The following CASZ1 variants were observed in gnomAD, a reference collection of about 807,000 sequenced individuals.
The protein encoded by CASZ1 is castor zinc finger 1.
In CASZ1, 28 loss-of-function variants were observed where a neutral mutation model predicts 135.2. The observed-to-expected ratio is 0.21, with a 90% CI of 0.15 to 0.28. CASZ1 has a LOEUF of 0.28. Ranked by LOEUF, CASZ1 falls within the 10% of genes least tolerant of loss-of-function variation. CASZ1 has a pLI of 1.00. For synonymous variants in CASZ1, 1,068 were observed against 1,073.4 expected (o/e 0.99, Z 0.10); for missense variants, 2,161 against 2,453.3 (o/e 0.88, Z 2.52).
rs1296951583 is a variant in CASZ1, at chr1:10,735,819, G to A, written c.-77+24882C>T. On this transcript the variant is annotated intron_variant, in intron 2 of 20. Coordinates refer to ENST00000377022, the MANE Select transcript of CASZ1 (RefSeq NM_001079843.3). This position sits in a 1 kb window ranked among gnomAD's most constrained non-coding sequence, Gnocchi z 5.1. Reference sequence around the variant, plus strand: ...GGGCTGCACCAAGGGGACACTGGGAGTTGTAGGTAGTCAGGGAGCCCAGAG... The same window carrying A: ...GGGCTGCACCAAGGGGACACTGGGAATTGTAGGTAGTCAGGGAGCCCAGAG... Among the ~76,000 whole-genome samples, 1 of 152,202 alleles carries A rather than the reference G, an allele frequency of 6.6e-6. No homozygotes were observed. The highest frequency in any genetic ancestry group is 2.4e-5 in the African/African-American group (1 of 41,448).
At chr1:10,778,103 T>C (rs778245190) in intron 1 of CASZ1, among the ~76,000 whole-genome samples, 1 of 150,768 alleles carries the variant, frequency 6.6e-6, no homozygotes, top group Non-Finnish European at 1.5e-5. Context: ...TCTCACACAA[T>C]CTCACAATCA....
In CASZ1 at chr1:10,653,540, C is replaced by T. The variant is rs1292940289; in HGVS notation, c.2517G>A (p.Leu839=). The T allele has an allele frequency of 1.3e-6, 2 of 1,598,680 alleles. No individual in the cohort carries two copies. Residue 839 remains leucine, a synonymous_variant, in exon 11 of 21, where the codon CTG becomes CTA. Transcript: ENST00000377022. ...CTGAGTCTCCAGCTCCCGAGGCGACCAGCGTGGGTGTGTCAGGGGTGGCTG... is the reference window on the plus strand; with the variant it reads ...CTGAGTCTCCAGCTCCCGAGGCGACTAGCGTGGGTGTGTCAGGGGTGGCTG... ...AASATPDTPT[L]VASGAGDSAP...
intron 5 of CASZ1, among the ~76,000 whole-genome samples, chr1:10,662,846 C>T (rs1643095029): frequency 1.3e-5 from 2 of 152,228 alleles, no homozygotes; most frequent in African/African-American, 4.8e-5. Context: ...ACCCCCTGAA[C>T]CCCTGCCCTG....
In CASZ1 at chr1:10,794,354, C is replaced by T. The variant is rs559723102; in HGVS notation, c.-234+2210G>A. ...GCCCCGCGACTACCAGGGCCTTTTC[C>T]CCCTCGCCACCCCCTGAGTGTACCG... On this transcript the variant is annotated intron_variant, in intron 1 of 20. Coordinates refer to ENST00000377022, the MANE Select transcript of CASZ1 (RefSeq NM_001079843.3). The surrounding 1 kb of genome is among the most constrained non-coding windows in gnomAD (Gnocchi z 5.6). Among the ~76,000 whole-genome samples, 1 of 152,300 alleles carries T rather than the reference C, an allele frequency of 6.6e-6. No homozygotes were observed. The highest frequency in any genetic ancestry group is 2.4e-5 in the African/African-American group (1 of 41,566).
At chr1:10,651,791 C>T (rs1642598553) in intron 11 of CASZ1, 1 of 152,274 alleles carries the variant, frequency 6.6e-6, no homozygotes, top group Non-Finnish European at 1.5e-5. Context: ...CTGTAGCTGA[C>T]AGAGTGCTGC....
chr1:10,647,758 ACG>A lies in CASZ1; in HGVS notation c.3497+41_3497+42del. Reference sequence around the variant, plus strand: ...GCCCTTGCTAGCACCTACTCCCGAGACGCGAGGGGAACGCGGGACTCCCGGCT... The same window carrying A: ...GCCCTTGCTAGCACCTACTCCCGAGACGAGGGGAACGCGGGACTCCCGGCT... On this transcript the variant is annotated intron_variant, in intron 16 of 20. Transcript: ENST00000377022. The surrounding 1 kb of genome is among the most constrained non-coding windows in gnomAD (Gnocchi z 4.9). 6.2e-7 allele frequency: 1 copy of A among 1,610,188 alleles called. No homozygotes were observed. The highest frequency in any genetic ancestry group is 8.5e-7 in the Non-Finnish European group (1 of 1,179,944).
Position 10,679,749 on chromosome 1 carries a change from C to T in CASZ1, c.16+14125G>A, listed in dbSNP as rs1474774492. Among the ~76,000 whole-genome samples the T allele has an allele frequency of 1.3e-5, 2 of 152,232 alleles. No individual in the cohort carries two copies. On this transcript the variant is annotated intron_variant, in intron 4 of 20. Transcript: ENST00000377022. This position sits in a 1 kb window ranked among gnomAD's most constrained non-coding sequence, Gnocchi z 4.7. ...GCTCCACTTCAGGTTTTCCATACTA[C>T]AACCCCGAGTGTCACCACAGGGTCC...
rs1335379878 is a variant in CASZ1 at position 10,727,852 on chromosome 1, A to C, written c.-76-22308T>G. The stretch of plus-strand genomic sequence containing the variant: ...TGGAGCCCCTGGCTAGTGGCCAGAC[A>C]GCATGTATGAGTGTTGGGGGTGAGC... On this transcript the variant is annotated intron_variant, in intron 2 of 20. Coordinates refer to ENST00000377022, the MANE Select transcript of CASZ1 (RefSeq NM_001079843.3). The surrounding 1 kb of genome is among the most constrained non-coding windows in gnomAD (Gnocchi z 5.3). Among the ~76,000 whole-genome samples, 1 of 152,180 alleles carries C rather than the reference A, an allele frequency of 6.6e-6. No homozygotes were observed. Among genetic ancestry groups the C allele is most frequent in the African/African-American group, 2.4e-5 (1 of 41,458 alleles).
At chr1:10,664,932 C>T in intron 5 of CASZ1, 151 bp downstream of exon 5, 1 of 895,834 alleles carries the variant, frequency 1.1e-6, no homozygotes, top group Non-Finnish European at 1.5e-6. Flanking sequence ...GTCCTAGTCT[C>T]TCCCACTCCA....
chr1:10,730,402 C>G (rs535070810), intron 2 of CASZ1, among the ~76,000 whole-genome samples: 1 of 152,156 alleles, frequency 6.6e-6, no homozygotes, highest in South Asian at 2.1e-4. Flanking sequence ...TCTTGACCCT[C>G]GAGTATGCAT....
At chr1:10,795,764 A>G (rs1570601589) in intron 1 of CASZ1, among the ~76,000 whole-genome samples, 1 of 151,406 alleles carries the variant, frequency 6.6e-6, no homozygotes, top group African/African-American at 2.4e-5. Context: ...GGAGCAGCGC[A>G]CTTGAGATAA....
Position 10,660,531 on chromosome 1 carries a change from C to A in CASZ1, c.511G>T (p.Ala171Ser). ...GCCGCGTAGTCCCGCAGCGAGGAGG[C>A]CTCTCCTGCAGAGGAGGATGGGGGC... ...GPSTRQASGE[A>S]SSLRDYAAST... Residue 171 changes from alanine to serine, a missense_variant, in exon 6 of 21, where the codon GCC becomes TCC. By Grantham distance (99) the Ala-to-Ser change is moderately conservative. Around this residue, in one of 7 missense-constraint regions of CASZ1, gnomAD observed 590 missense variants for 609.8 expected, o/e 0.97. Transcript: ENST00000377022. 1 of 1,611,384 alleles carries A rather than the reference C, an allele frequency of 6.2e-7. No individual in the cohort carries two copies.
Position 10,711,200 on chromosome 1 carries a change from C to T in CASZ1, c.-76-5656G>A, listed in dbSNP as rs548595912. Among the ~76,000 whole-genome samples the T allele has an allele frequency of 3.9e-4, 59 of 152,324 alleles. No homozygotes were observed. The highest frequency in any genetic ancestry group is 1.3e-3 in the African/African-American group (56 of 41,574). On this transcript the variant is annotated intron_variant, in intron 2 of 20. Coordinates refer to ENST00000377022, the MANE Select transcript of CASZ1 (RefSeq NM_001079843.3). This position sits in a 1 kb window ranked among gnomAD's most constrained non-coding sequence, Gnocchi z 4.4. ...TGAGAATTGAGTTTGAATCCTGCCT[C>T]TGCTGCCTCCTGCCATGCAATTGGG... is the stretch of plus-strand genomic sequence containing the variant.
At chr1:10,690,424 G>A (rs1638727861) in intron 4 of CASZ1, among the ~76,000 whole-genome samples, 1 of 152,206 alleles carries the variant, frequency 6.6e-6, no homozygotes. Context: ...AAGACAGTAT[G>A]CTCTCAAAGC....
At chr1:10,654,337 G>A in intron 10 of CASZ1, 82 bp downstream of exon 10, 1 of 1,581,596 alleles carries the variant, frequency 6.3e-7, no homozygotes, top group Middle Eastern at 1.7e-4. Context: ...CGAGGCAGGG[G>A]CCTGAGCCGT....
In CASZ1 at chr1:10,639,392, G is replaced by A. The variant is rs1161263298; in HGVS notation, c.4830C>T (p.Pro1610=). The change falls in exon 21 of 21, where the codon CCC becomes CCT. Residue 1610 remains proline (P), a synonymous_variant. Transcript: ENST00000377022. This position sits in a 1 kb window ranked among gnomAD's most constrained non-coding sequence, Gnocchi z 4.0. ...AGCCGTCCAGACTGATGGGAGGCCC[G>A]GGCGCGGGGCCCTCTGCCGCGGGCT... ...RGEPAAEGPA[P]GPPISLDGSL... 5.8e-6 allele frequency: 9 copies of A among 1,545,272 alleles called. No individual in the cohort carries two copies. In the Admixed American group the frequency reaches 1.4e-4, roughly 24 times the overall value.
chr1:10,753,427 C>T (rs570590735), intron 2 of CASZ1, among the ~76,000 whole-genome samples: 19 of 152,378 alleles, frequency 1.2e-4, no homozygotes, highest in African/African-American at 3.8e-4. Flanking sequence ...TCCCCTCTCA[C>T]TGCACCCCGC....
chr1:10,708,571 G>T (rs1195032990), intron 2 of CASZ1, among the ~76,000 whole-genome samples: 1 of 152,202 alleles, frequency 6.6e-6, no homozygotes, highest in East Asian at 1.9e-4. Flanking sequence ...GTGAGGCCCG[G>T]CACTCCCTCC....
intron 2 of CASZ1, among the ~76,000 whole-genome samples, chr1:10,746,819 T>C (rs1640050178): frequency 1.3e-5 from 2 of 152,238 alleles, no homozygotes; most frequent in African/African-American, 4.8e-5. Flanking sequence ...GAGTGGCCTT[T>C]GACCCACTGG....
Sources: gnomAD v4.1 joint callset for allele counts (sites outside exome capture counted in the v4.1 genomes callset) on GRCh38, gnomAD v4.1.1 for gene constraint, gnomAD v4.1.1 regional missense constraint, Gnocchi (gnomAD v3.1) non-coding constraint, MANE v1.5 for transcripts, NCBI Gene and HGNC (gene_info 2026-07-23, HGNC 2026-07-21) for gene names.